The following CALN1 variants were observed in gnomAD, a reference collection of about 807,000 sequenced individuals.
CALN1 encodes the protein calneuron 1.
In CALN1, 17 loss-of-function variants were observed where a neutral mutation model predicts 30.6. The ratio of observed to expected loss-of-function variants is 0.56; its 90% confidence interval spans 0.38 to 0.83. The LOEUF is 0.83. Ranked by LOEUF, CALN1 falls within the 40% of genes least tolerant of loss-of-function variation. CALN1 has a pLI of 0.00. For missense variants in CALN1, 291 were observed against 354.9 expected, an observed-to-expected ratio of 0.82 and a Z score of 1.45; for synonymous variants, 156 against 131.4, an observed-to-expected ratio of 1.19 and a Z score of -1.28.
At chr7:72,213,639 A>G (rs1792570447) in intron 3 of CALN1, among the ~76,000 whole-genome samples, 1 of 152,216 alleles carries the variant, frequency 6.6e-6, no homozygotes, top group African/African-American at 2.4e-5. Flanking sequence ...TTTGGGGAAT[A>G]GCATTGCAGA....
chr7:72,096,058 T>C (rs2129540225), intron 4 of CALN1, among the ~76,000 whole-genome samples: 1 of 150,808 alleles, frequency 6.6e-6, no homozygotes, highest in South Asian at 2.1e-4. Context: ...GATAGATAGA[T>C]AGATAGATAG....
chr7:72,277,238 A>G (rs1174895770), intron 3 of CALN1, among the ~76,000 whole-genome samples: 2 of 152,188 alleles, frequency 1.3e-5, no homozygotes, highest in Non-Finnish European at 2.9e-5. Context: ...TGAGCCACCT[A>G]GTCTATGGTG....
intron 3 of CALN1, among the ~76,000 whole-genome samples, chr7:72,199,037 G>A (rs941370742): frequency 1.3e-5 from 2 of 152,214 alleles, no homozygotes; most frequent in African/African-American, 4.8e-5. Context: ...CACGTTGGGA[G>A]GCAGAGGCAG....
At chr7:72,359,665 G>A (rs1002226993) in intron 2 of CALN1, among the ~76,000 whole-genome samples, 1 of 152,024 alleles carries the variant, frequency 6.6e-6, no homozygotes, top group African/African-American at 2.4e-5. Context: ...ATCAAGTGGA[G>A]GAACCTTGTG....
At chr7:71,806,052 G>A (rs1399251758) in intron 6 of CALN1, among the ~76,000 whole-genome samples, 1 of 152,116 alleles carries the variant, frequency 6.6e-6, no homozygotes, top group Non-Finnish European at 1.5e-5. Context: ...CACATGTTGC[G>A]GGGTGGGGGA....
intron 2 of CALN1, chr7:72,336,662 G>T: frequency 1.0e-6 from 1 of 959,980 alleles, no homozygotes; most frequent in Non-Finnish European, 1.2e-6. Flanking sequence ...AGAAAAGAGA[G>T]CGCGCGCGCG....
intron 3 of CALN1, among the ~76,000 whole-genome samples, chr7:72,235,370 C>T (rs1389727505): frequency 6.6e-6 from 1 of 152,086 alleles, no homozygotes; most frequent in Non-Finnish European, 1.5e-5. Flanking sequence ...TATAGAATTC[C>T]TTTAAATACT....
intron 5 of CALN1, among the ~76,000 whole-genome samples, chr7:72,012,319 C>T (rs961802022): frequency 6.6e-6 from 1 of 152,134 alleles, no homozygotes; most frequent in African/African-American, 2.4e-5. Flanking sequence ...TTGAGACCAT[C>T]CTGGCCAACA....
intron 3 of CALN1, among the ~76,000 whole-genome samples, chr7:72,137,205 G>A (rs566751232): frequency 4.6e-5 from 7 of 152,154 alleles, no homozygotes; most frequent in Middle Eastern, 3.2e-3. Context: ...CTCAGGGTTG[G>A]TATGTTTCTG....
intron 6 of CALN1, among the ~76,000 whole-genome samples, chr7:71,798,168 AGAGAGAG>A (rs1181369311): frequency 1.5e-4 from 22 of 144,818 alleles, no homozygotes; most frequent in Admixed American, 3.5e-4. Flanking sequence ...AGAGAGAGAG[AGAGAGAG>A]ATGTTGCTTG....
At chr7:71,978,259 A>ATTTTTTTTT (rs1584662365) in intron 5 of CALN1, among the ~76,000 whole-genome samples, 10 of 115,604 alleles carry the variant, frequency 8.7e-5, no homozygotes, top group African/African-American at 1.1e-4. Flanking sequence ...ACTCTAGAGA[A>ATTTTTTTTT]TTCTTTTTTT....
At position 71,906,832 on chromosome 7, in the gene CALN1, G is replaced by A. The variant is rs1482122278; in HGVS notation, c.502-96340C>T. On this transcript the variant is annotated intron_variant, in intron 5 of 6. Transcript: ENST00000395275. ...GAGGAGTAAGACTGGCAGCAGCCAA[G>A]GGTTTTGCAGTTGGGTTGCCCAGGT... is the stretch of plus-strand genomic sequence containing the variant. 2.0e-5 allele frequency among the ~76,000 whole-genome samples: 3 copies of A among 152,362 alleles called. No homozygotes were observed. In the East Asian group the frequency reaches 5.8e-4, roughly 29 times the overall value.
chr7:72,323,574 A>C (rs1048342208), intron 2 of CALN1, among the ~76,000 whole-genome samples: 8 of 151,890 alleles, frequency 5.3e-5, no homozygotes, highest in African/African-American at 1.7e-4. Flanking sequence ...AAGGCAGGGG[A>C]ATAGCTTGAA....
intron 5 of CALN1, among the ~76,000 whole-genome samples, chr7:71,899,782 C>A (rs1562883775): frequency 6.6e-6 from 1 of 152,054 alleles, no homozygotes; most frequent in Admixed American, 6.5e-5. Flanking sequence ...CAAAATGTCA[C>A]CATATGGATG....
At chr7:72,032,792 C>T (rs1012197904) in intron 4 of CALN1, among the ~76,000 whole-genome samples, 24 of 152,082 alleles carry the variant, frequency 1.6e-4, no homozygotes, top group African/African-American at 3.6e-4. Context: ...GGATACAGGT[C>T]GTTCACAGAG....
At chr7:71,926,224 G>A (rs1330511476) in intron 5 of CALN1, among the ~76,000 whole-genome samples, 1 of 152,010 alleles carries the variant, frequency 6.6e-6, no homozygotes, top group Non-Finnish European at 1.5e-5. Context: ...TGTCCCCGAT[G>A]AGCATTTCGC....
At chr7:72,322,790 A>T (rs2129557378) in intron 2 of CALN1, among the ~76,000 whole-genome samples, 1 of 152,168 alleles carries the variant, frequency 6.6e-6, no homozygotes, top group South Asian at 2.1e-4. Flanking sequence ...ATTTAATTTT[A>T]AATTTAAAAA....
chr7:72,422,990 G>T (rs117588236), intron 1 of CALN1, among the ~76,000 whole-genome samples: 1 of 151,784 alleles, frequency 6.6e-6, no homozygotes. Flanking sequence ...TTAGCCAGGC[G>T]TGGTCCCAGC....
chr7:72,226,294 T>A (rs1793674553), intron 3 of CALN1, among the ~76,000 whole-genome samples: 1 of 148,542 alleles, frequency 6.7e-6, no homozygotes, highest in Non-Finnish European at 1.5e-5. Context: ...GGAAAACTGT[T>A]CATGCCACCG....
Sources: gnomAD v4.1 joint callset for allele counts (sites outside exome capture counted in the v4.1 genomes callset) on GRCh38, gnomAD v4.1.1 for gene constraint, MANE v1.5 for transcripts, NCBI Gene and HGNC (gene_info 2026-07-23, HGNC 2026-07-21) for gene names.